The following WWOX variants were observed in gnomAD, a reference collection of about 807,000 sequenced individuals.
WWOX encodes the protein WW domain-containing oxidoreductase.
A neutral mutation model predicts 46.2 loss-of-function variants in WWOX; 69 were observed. That is an observed-to-expected ratio of 1.49 (90% CI 1.23 to 1.82). The LOEUF is 1.82. Among genes scored for constraint, WWOX ranks in the 40% most tolerant of loss-of-function variants. WWOX has a pLI of 0.00. For synonymous variants in WWOX, 359 were observed against 202.6 expected (o/e 1.77, Z -6.56); for missense variants, 919 against 542.6 (o/e 1.69, Z -6.89).
chr16:78,248,611 C>G (rs570188586), intron 5 of WWOX, among the ~76,000 whole-genome samples: 1 of 152,046 alleles, frequency 6.6e-6, no homozygotes, highest in Non-Finnish European at 1.5e-5. Context: ...CGGCACATAC[C>G]TGTAGTCACA....
chr16:78,943,162 C>A (rs1008976727), intron 8 of WWOX, among the ~76,000 whole-genome samples: 1 of 152,158 alleles, frequency 6.6e-6, no homozygotes, highest in Non-Finnish European at 1.5e-5. Flanking sequence ...TAATAGTTGT[C>A]ATTTGAGTGC....
intron 8 of WWOX, among the ~76,000 whole-genome samples, chr16:78,863,823 A>T (rs1330874901): frequency 6.6e-6 from 1 of 152,224 alleles, no homozygotes; most frequent in Non-Finnish European, 1.5e-5. Context: ...TCAAAAAACT[A>T]TGTCCACATC....
rs77713787 is a variant in WWOX, at chr16:78,375,372, T to C, written c.517-11488T>C. On this transcript the variant is annotated intron_variant, in intron 5 of 8. Coordinates refer to ENST00000566780, the MANE Select transcript of WWOX (RefSeq NM_016373.4). ...GCTTATGGTAAGTTGTTGCTGCCAC[T>C]ATGAGTAGCCTACTTGCATTTCTAT... Among the ~76,000 whole-genome samples the C allele has an allele frequency of 3.0e-4, 45 of 152,334 alleles. No homozygotes were observed. The East Asian group carries it at 8.5e-3, about 29-fold the overall frequency.
At chr16:79,046,911 C>T (rs538058301) in intron 8 of WWOX, among the ~76,000 whole-genome samples, 1 of 152,308 alleles carries the variant, frequency 6.6e-6, no homozygotes, top group Non-Finnish European at 1.5e-5. Flanking sequence ...ATTGGTTACT[C>T]AAATTCTTAA....
At chr16:78,616,999 C>G (rs1266186342) in intron 8 of WWOX, among the ~76,000 whole-genome samples, 1 of 152,168 alleles carries the variant, frequency 6.6e-6, no homozygotes, top group Non-Finnish European at 1.5e-5. Flanking sequence ...TCTGAGAAGA[C>G]ACAAAACCCA....
intron 8 of WWOX, among the ~76,000 whole-genome samples, chr16:79,143,885 T>C (rs533413893): frequency 3.9e-5 from 6 of 152,218 alleles, no homozygotes; most frequent in African/African-American, 4.8e-5. Context: ...TACCCACCCA[T>C]AGTCATGAAA....
intron 8 of WWOX, among the ~76,000 whole-genome samples, chr16:78,638,680 G>A (rs1239700517): frequency 2.6e-5 from 4 of 152,208 alleles, no homozygotes; most frequent in Non-Finnish European, 5.9e-5. Flanking sequence ...TCAGAGGAGA[G>A]ATAGAGCACT....
chr16:78,226,684 T>G (rs1169309292), intron 5 of WWOX, among the ~76,000 whole-genome samples: 1 of 152,162 alleles, frequency 6.6e-6, no homozygotes, highest in Non-Finnish European at 1.5e-5. Flanking sequence ...GGTGTGCACC[T>G]GGCCTCATTT....
chr16:78,831,841 T>C (rs188078611), intron 8 of WWOX, among the ~76,000 whole-genome samples: 153 of 152,304 alleles, frequency 1.0e-3, no homozygotes, highest in Middle Eastern at 3.4e-3. Flanking sequence ...GAGTACAGTC[T>C]CTTAGGAGAC....
intron 8 of WWOX, among the ~76,000 whole-genome samples, chr16:79,116,229 G>T (rs532061409): frequency 3.3e-5 from 5 of 152,196 alleles, no homozygotes; most frequent in African/African-American, 7.2e-5. Flanking sequence ...TGGGGTGGCT[G>T]TGGCAATTTC....
chr16:78,434,084 C>A (rs77446562), intron 8 of WWOX, among the ~76,000 whole-genome samples: 2 of 152,170 alleles, frequency 1.3e-5, no homozygotes, highest in East Asian at 1.9e-4. Flanking sequence ...CCACCGCGCC[C>A]GGCCTGGGGA....
chr16:78,864,046 C>T (rs2043949573), intron 8 of WWOX, among the ~76,000 whole-genome samples: 1 of 152,172 alleles, frequency 6.6e-6, no homozygotes. Context: ...GCAAATAAAG[C>T]TGCTCTGAAC....
At chr16:78,974,589 TTTTG>T (rs2046534929) in intron 8 of WWOX, among the ~76,000 whole-genome samples, 1 of 152,222 alleles carries the variant, frequency 6.6e-6, no homozygotes, top group South Asian at 2.1e-4. Flanking sequence ...ATTATTTCAG[TTTTG>T]TTTTTTATTT....
intron 8 of WWOX, among the ~76,000 whole-genome samples, chr16:78,957,992 A>C (rs1412818356): frequency 6.6e-6 from 1 of 152,112 alleles, no homozygotes. Flanking sequence ...GTTTTATTTA[A>C]TGCGTTTCTA....
chr16:78,564,508 C>A (rs922977252), intron 8 of WWOX, among the ~76,000 whole-genome samples: 5 of 152,148 alleles, frequency 3.3e-5, no homozygotes, highest in Admixed American at 1.3e-4. Context: ...GTGGCAGGAT[C>A]TAATGGGAGG....
intron 8 of WWOX, among the ~76,000 whole-genome samples, chr16:78,680,550 A>G (rs1373541514): frequency 6.6e-6 from 1 of 152,144 alleles, no homozygotes; most frequent in Non-Finnish European, 1.5e-5. Context: ...ACAAAAAGCC[A>G]TGTAGAGCTG....
At chr16:78,208,982 G>C (rs2036476910) in intron 5 of WWOX, among the ~76,000 whole-genome samples, 1 of 152,138 alleles carries the variant, frequency 6.6e-6, no homozygotes, top group South Asian at 2.1e-4. Context: ...GGAATGGAAG[G>C]AGTGTGTTTA....
chr16:79,074,215 GA>G (rs2048606697), intron 8 of WWOX, among the ~76,000 whole-genome samples: 1 of 151,130 alleles, frequency 6.6e-6, no homozygotes, highest in Non-Finnish European at 1.5e-5. Flanking sequence ...TATGTGGAAG[GA>G]ACCTGGATTT....
rs148802496 is a variant in WWOX, at chr16:79,010,895, A to C, written c.1057-200713A>C. Among the ~76,000 whole-genome samples the C allele has an allele frequency of 2.2e-4, 33 of 152,032 alleles. 1 individual carries two copies. The highest frequency in any genetic ancestry group is 7.7e-4 in the African/African-American group (32 of 41,492). On this transcript the variant is annotated intron_variant, in intron 8 of 8. Transcript: ENST00000566780. Reference sequence around the variant, plus strand: ...ATGGGAACAGAGAGCGAGAGGGCAGACGGGGTCATGTTGTGTGGGACCTCG... The same window carrying C: ...ATGGGAACAGAGAGCGAGAGGGCAGCCGGGGTCATGTTGTGTGGGACCTCG...
Sources: gnomAD v4.1 joint callset for allele counts (sites outside exome capture counted in the v4.1 genomes callset) on GRCh38, gnomAD v4.1.1 for gene constraint, MANE v1.5 for transcripts, NCBI Gene and HGNC (gene_info 2026-07-23, HGNC 2026-07-21) for gene names.